Variants in ASH1L observed in about 807,000 individuals in gnomAD.
ASH1L encodes ASH1 like histone lysine methyltransferase, also known as histone-lysine N-methyltransferase ASH1L.
In ASH1L, 23 loss-of-function variants were observed where a neutral mutation model predicts 269.0. That is an observed-to-expected ratio of 0.09 (90% CI 0.06 to 0.12). The LOEUF is 0.12. ASH1L is among the 10% of genes least tolerant of loss of function. ASH1L has a pLI of 1.00. For synonymous variants in ASH1L, 1,187 were observed against 1,253.5 expected, an observed-to-expected ratio of 0.95 and a Z score of 1.12; for missense variants, 2,912 against 3,567.8, an observed-to-expected ratio of 0.82 and a Z score of 4.68.
intron 17 of ASH1L, 104 bp downstream of exon 17, chr1:155,352,602 T>G (rs902944904): frequency 5.7e-6 from 7 of 1,237,444 alleles, no homozygotes; most frequent in Non-Finnish European, 6.5e-6. Flanking sequence ...CCCAGGAGTC[T>G]GAGACTAGCC....
At position 155,385,066 on chromosome 1, in the gene ASH1L, A is replaced by ATT. The variant is rs58732401; in HGVS notation, c.6104-4952_6104-4951dup. Among the ~76,000 whole-genome samples, 48 of 150,982 alleles carry ATT rather than the reference A, an allele frequency of 3.2e-4. 1 individual carries two copies. The South Asian group carries it at 5.6e-3, about 18-fold the overall frequency. On this transcript the variant is annotated intron_variant, in intron 7 of 27. Coordinates refer to ENST00000392403, the MANE Select transcript of ASH1L (RefSeq NM_018489.3). ...TGCTGTTAAGTCTATCTCTGAATGT[A>ATT]TTTTTTTTTCTGGTTCAATTTCTCT... is the stretch of plus-strand genomic sequence containing the variant.
intron 3 of ASH1L, among the ~76,000 whole-genome samples, chr1:155,472,754 C>A (rs1200994398): frequency 1.3e-5 from 2 of 152,194 alleles, no homozygotes; most frequent in East Asian, 3.8e-4. Context: ...TCTGATTTTT[C>A]TGAGAAGCAG....
intron 1 of ASH1L, among the ~76,000 whole-genome samples, chr1:155,549,900 T>C (rs1571136952): frequency 6.6e-6 from 1 of 152,278 alleles, no homozygotes; most frequent in Non-Finnish European, 1.5e-5. Flanking sequence ...ACTCCTCTTT[T>C]ACCCTGATCC....
chr1:155,505,998 C>T (rs1667792929), intron 2 of ASH1L, among the ~76,000 whole-genome samples: 1 of 152,054 alleles, frequency 6.6e-6, no homozygotes, highest in Non-Finnish European at 1.5e-5. Context: ...CTGCCCCCAC[C>T]CCACGACAGG....
At chr1:155,418,348 T>C (rs1467972396) in intron 5 of ASH1L, among the ~76,000 whole-genome samples, 1 of 151,988 alleles carries the variant, frequency 6.6e-6, no homozygotes, top group African/African-American at 2.4e-5. Flanking sequence ...TGAGAATTGA[T>C]AAATACGAAA....
intron 15 of ASH1L, 52 bp downstream of exon 15, chr1:155,357,264 T>C: frequency 2.8e-6 from 4 of 1,448,018 alleles, no homozygotes; most frequent in Middle Eastern, 1.8e-4. Flanking sequence ...TTTACACAGA[T>C]AAGCAATCAT....
At chr1:155,554,361 C>T (rs538226508) in intron 1 of ASH1L, among the ~76,000 whole-genome samples, 1 of 152,184 alleles carries the variant, frequency 6.6e-6, no homozygotes, top group Non-Finnish European at 1.5e-5. Context: ...CAACCTCTGC[C>T]TCTCGGGTTC....
chr1:155,377,068 C>T lies in ASH1L; in HGVS notation c.6332+1213G>A, dbSNP rs534091750. ...GATTATAGGCATGAGCCACCATGCC[C>T]GGCTAATTCTGTATTTTTAGTAGAG... is the stretch of plus-strand genomic sequence containing the variant. On this transcript the variant is annotated intron_variant, in intron 10 of 27. Transcript: ENST00000392403. Among the ~76,000 whole-genome samples the T allele has an allele frequency of 1.1e-4, 17 of 150,826 alleles. No homozygotes were observed. In the South Asian group the frequency reaches 1.7e-3, roughly 15 times the overall value.
At chr1:155,558,041 A>G (rs750870633) in intron 1 of ASH1L, among the ~76,000 whole-genome samples, 4 of 152,232 alleles carry the variant, frequency 2.6e-5, no homozygotes, top group Non-Finnish European at 5.9e-5. Context: ...AGACTTCTCC[A>G]CTGTGTGCTT....
chr1:155,387,932 G>A (rs775771901), intron 7 of ASH1L, among the ~76,000 whole-genome samples: 4 of 152,104 alleles, frequency 2.6e-5, no homozygotes, highest in Non-Finnish European at 4.4e-5. Context: ...TTGGCTCTTG[G>A]CTTAACTGTT....
At chr1:155,431,073 A>G (rs1236435334) in intron 5 of ASH1L, among the ~76,000 whole-genome samples, 1 of 151,946 alleles carries the variant, frequency 6.6e-6, no homozygotes, top group East Asian at 1.9e-4. Context: ...TTAGCCGGGC[A>G]TGGTGGCAGG....
At chr1:155,394,530 T>C (rs531310697) in intron 7 of ASH1L, among the ~76,000 whole-genome samples, 1 of 152,152 alleles carries the variant, frequency 6.6e-6, no homozygotes, top group Non-Finnish European at 1.5e-5. Context: ...ACTTGAGAGA[T>C]AGCAATGAGA....
At chr1:155,551,027 G>T (rs543426537) in intron 1 of ASH1L, among the ~76,000 whole-genome samples, 1 of 152,074 alleles carries the variant, frequency 6.6e-6, no homozygotes, top group East Asian at 1.9e-4. Context: ...TCACTATGTT[G>T]CCCAGGCGGT....
intron 4 of ASH1L, among the ~76,000 whole-genome samples, chr1:155,448,638 G>A (rs1240025868): frequency 1.3e-5 from 2 of 152,126 alleles, no homozygotes; most frequent in Non-Finnish European, 2.9e-5. Flanking sequence ...GGGATTACAG[G>A]TGCGCGTGAC....
At chr1:155,375,168 TTTAAAAAAACCC>T (rs1656327030) in intron 10 of ASH1L, among the ~76,000 whole-genome samples, 1 of 151,938 alleles carries the variant, frequency 6.6e-6, no homozygotes, top group Admixed American at 6.6e-5. Flanking sequence ...TGCATCCGGA[TTTAAAAAAACCC>T]TGAAGTATAA....
At chr1:155,424,368 G>C (rs1174665604) in intron 5 of ASH1L, among the ~76,000 whole-genome samples, 2 of 151,982 alleles carry the variant, frequency 1.3e-5, no homozygotes, top group Non-Finnish European at 2.9e-5. Flanking sequence ...ATAACAACAA[G>C]AGGTGGCTAT....
At chr1:155,377,815 A>G (rs1275316253) in intron 10 of ASH1L, among the ~76,000 whole-genome samples, 2 of 152,068 alleles carry the variant, frequency 1.3e-5, no homozygotes, top group African/African-American at 4.8e-5. Context: ...ACGAGGTCAG[A>G]TTGAGATCAT....
intron 1 of ASH1L, among the ~76,000 whole-genome samples, chr1:155,534,237 C>T (rs1324239454): frequency 2.0e-5 from 3 of 148,394 alleles, no homozygotes. Flanking sequence ...CTGAGAAGGA[C>T]AATAACAAGA....
chr1:155,544,587 G>A (rs571582138), intron 1 of ASH1L, among the ~76,000 whole-genome samples: 108 of 151,944 alleles, frequency 7.1e-4, no homozygotes, highest in Non-Finnish European at 1.2e-3. Context: ...GTGCCCGGCC[G>A]AGAAACCCTT....
Sources: allele counts gnomAD v4.1 joint callset (sites outside exome capture counted in the v4.1 genomes callset), GRCh38; gene constraint gnomAD v4.1.1; transcripts MANE v1.5; gene names NCBI Gene and HGNC (gene_info 2026-07-23, HGNC 2026-07-21).